NOMO1: variants seen among roughly 807,000 people sequenced by gnomAD.
NOMO1 encodes the protein NODAL modulator 1.
Under a neutral mutation model 133.8 loss-of-function variants are expected in NOMO1, and 40 were observed. The observed-to-expected ratio is 0.30, with a 90% CI of 0.23 to 0.39. The LOEUF (loss-of-function observed/expected upper bound fraction) is 0.39. Ranked by LOEUF, NOMO1 falls within the 10% of genes least tolerant of loss-of-function variation. The pLI is 1.00. For missense variants in NOMO1, 462 were observed against 1,419.9 expected (o/e 0.33, Z 10.84); for synonymous variants, 236 against 570.5 (o/e 0.41, Z 8.36).
chr16:14,886,326 ATGTGTAAGT>A (rs1964324059), intron 27 of NOMO1, among the ~76,000 whole-genome samples: 1 of 138,958 alleles, frequency 7.2e-6, no homozygotes, highest in Admixed American at 7.4e-5. Context: ...AGGCTCTACC[ATGTGTAAGT>A]TGTGTGACCT....
chr16:14,842,827 T>C (rs1272020968), intron 3 of NOMO1, among the ~76,000 whole-genome samples: 4 of 150,742 alleles, frequency 2.7e-5, no homozygotes, highest in African/African-American at 7.3e-5. Context: ...TTATGAACTT[T>C]ATCTGTATCA....
intron 16 of NOMO1, among the ~76,000 whole-genome samples, chr16:14,868,983 G>A (rs1437942893): frequency 2.0e-5 from 3 of 150,164 alleles, no homozygotes; most frequent in Non-Finnish European, 4.4e-5. Flanking sequence ...CTGTCACCCA[G>A]GCTGGAGTGT....
intron 29 of NOMO1, among the ~76,000 whole-genome samples, chr16:14,889,439 G>A (rs535340591): frequency 7.2e-5 from 11 of 152,188 alleles, no homozygotes; most frequent in Admixed American, 7.2e-4. Context: ...GGCTGAGGTG[G>A]GAGGATCACT....
intron 27 of NOMO1, 88 bp from the exon 28 acceptor site, chr16:14,886,673 C>T: frequency 6.2e-7 from 1 of 1,609,042 alleles, no homozygotes; most frequent in Non-Finnish European, 8.5e-7. Context: ...GACACCCACC[C>T]AGAAAGCGGC....
At chr16:14,864,563 C>A (rs760042157) in intron 12 of NOMO1, 22 bp from the exon 13 acceptor site, 2 of 1,611,428 alleles carry the variant, frequency 1.2e-6, no homozygotes, top group Non-Finnish European at 8.5e-7. Flanking sequence ...CAGCCTCTAA[C>A]GTTCCATCCA....
rs201207942 is a variant in NOMO1, at chr16:14,837,021, ATTTTG to A, written c.166-1381_166-1377del. Among the ~76,000 whole-genome samples the A allele has an allele frequency of 9.2e-3, 1,355 of 147,764 alleles. 23 individuals carry two copies. Among genetic ancestry groups the A allele is most frequent in the African/African-American group, 0.032 (1,270 of 39,922 alleles). On this transcript the variant is annotated intron_variant, in intron 1 of 30. Transcript: ENST00000287667. The stretch of plus-strand genomic sequence containing the variant: ...CGCCCGGCCCCATTTTACTTATTTT[ATTTTG>A]TTTTATTTTGAGGCAGGGTCTCACA...
chr16:14,880,987 C>CAACAT (rs1343975789), intron 24 of NOMO1, among the ~76,000 whole-genome samples: 1 of 150,446 alleles, frequency 6.6e-6, no homozygotes. Context: ...AGTTCAAGAC[C>CAACAT]AGCCTAGGCA....
intron 1 of NOMO1, among the ~76,000 whole-genome samples, chr16:14,835,324 T>C (rs1963488801): frequency 6.6e-6 from 1 of 151,172 alleles, no homozygotes; most frequent in South Asian, 2.1e-4. Context: ...GCAGGGCTCC[T>C]AGGATTTCCT....
intron 9 of NOMO1, among the ~76,000 whole-genome samples, chr16:14,856,250 T>C (rs572455824): frequency 1.3e-5 from 2 of 151,932 alleles, no homozygotes; most frequent in South Asian, 4.2e-4. Flanking sequence ...CTAAAATGGG[T>C]TAGCAGTGGT....
At chr16:14,838,155 A>G (rs1458392511) in intron 1 of NOMO1, among the ~76,000 whole-genome samples, 8 of 152,060 alleles carry the variant, frequency 5.3e-5, no homozygotes, top group Admixed American at 2.6e-4. Flanking sequence ...CCACTAAAAT[A>G]AACAGAAAAG....
At chr16:14,859,152 A>G (rs1963885711) in intron 11 of NOMO1, among the ~76,000 whole-genome samples, 1 of 151,992 alleles carries the variant, frequency 6.6e-6, no homozygotes, top group Non-Finnish European at 1.5e-5. Flanking sequence ...GGGGGGACCT[A>G]GGGAGCATGA....
At chr16:14,879,034 G>A (rs1189491816) in intron 23 of NOMO1, among the ~76,000 whole-genome samples, 200 bp downstream of exon 23, 4 of 151,948 alleles carry the variant, frequency 2.6e-5, no homozygotes, top group Non-Finnish European at 4.4e-5. Flanking sequence ...CCTTCCACAC[G>A]CGCTTCTTGT....
At chr16:14,877,654 G>A (rs1964181376) in intron 22 of NOMO1, among the ~76,000 whole-genome samples, 1 of 151,844 alleles carries the variant, frequency 6.6e-6, no homozygotes, top group African/African-American at 2.4e-5. Flanking sequence ...AATAAACACA[G>A]AAACACAAAG....
At chr16:14,845,205 T>G (rs1315298281) in intron 4 of NOMO1, among the ~76,000 whole-genome samples, 1 of 151,750 alleles carries the variant, frequency 6.6e-6, no homozygotes, top group Admixed American at 6.6e-5. Context: ...GCCTGGCTAA[T>G]TTTTGTATTT....
At chr16:14,839,868 A>G (rs1963579923) in intron 2 of NOMO1, among the ~76,000 whole-genome samples, 2 of 149,592 alleles carry the variant, frequency 1.3e-5, no homozygotes, top group South Asian at 4.2e-4. Context: ...CAGCCTCCCA[A>G]GTAGCTGGGA....
chr16:14,876,218 TC>T, intron 20 of NOMO1, 140 bp from the exon 21 acceptor site: 2 of 1,062,830 alleles, frequency 1.9e-6, no homozygotes, highest in Admixed American at 2.4e-5. Flanking sequence ...ATTATTGAGC[TC>T]CCCGGGGTGT....
rs369427449 is a variant in NOMO1 at position 14,895,497 on chromosome 16, C to T, written c.3538-17C>T. On this transcript the variant is annotated splice_polypyrimidine_tract_variant and intron_variant, in intron 30 of 30. Coordinates refer to ENST00000287667, the MANE Select transcript of NOMO1 (RefSeq NM_014287.4). ...CCTCTTTGTACCCCTCTCTCTCACA[C>T]TTTCTCTCTTTTCTAGCTCATTCCT... 3.7e-6 allele frequency: 6 copies of T among 1,611,666 alleles called. No homozygotes were observed. In the African/African-American group the frequency reaches 8.0e-5, roughly 22 times the overall value.
At chr16:14,891,318 C>T (rs1432855594) in intron 29 of NOMO1, among the ~76,000 whole-genome samples, 1 of 150,450 alleles carries the variant, frequency 6.6e-6, no homozygotes, top group East Asian at 2.0e-4. Context: ...CTTTTTCAAC[C>T]ATTTTCAGCT....
chr16:14,836,092 A>G (rs983190007), intron 1 of NOMO1, among the ~76,000 whole-genome samples: 38 of 152,124 alleles, frequency 2.5e-4, no homozygotes, highest in Non-Finnish European at 5.6e-4. Context: ...CTGGAAAGCC[A>G]GCCGATCTTT....
Sources: allele counts gnomAD v4.1 joint callset (sites outside exome capture counted in the v4.1 genomes callset), GRCh38; gene constraint gnomAD v4.1.1; transcripts MANE v1.5; gene names NCBI Gene and HGNC (gene_info 2026-07-23, HGNC 2026-07-21).